The following DLG2 variants were observed in gnomAD, a reference collection of about 807,000 sequenced individuals.
DLG2 encodes the protein disks large homolog 2.
DLG2 carries 45 observed loss-of-function variants against 132.5 expected under a neutral mutation model. That is an observed-to-expected ratio of 0.34 (90% confidence interval 0.27 to 0.44). The LOEUF (loss-of-function observed/expected upper bound fraction) is 0.44. Ranked by LOEUF, DLG2 falls within the 20% of genes least tolerant of loss-of-function variation. The pLI, the probability that DLG2 is intolerant of heterozygous loss-of-function variation, is 1.00. For missense variants in DLG2, 1,045 were observed against 1,196.9 expected, an observed-to-expected ratio of 0.87 and a Z score of 1.87; for synonymous variants, 424 against 419.6, an observed-to-expected ratio of 1.01 and a Z score of -0.13.
At chr11:85,289,901 C>T (rs2078788049) in intron 3 of DLG2, among the ~76,000 whole-genome samples, 1 of 152,254 alleles carries the variant, frequency 6.6e-6, no homozygotes, top group East Asian at 1.9e-4. Context: ...ATAGTTATTT[C>T]TCTTTCAGCC....
At chr11:84,419,028 T>C (rs765275252) in intron 7 of DLG2, among the ~76,000 whole-genome samples, 1 of 152,212 alleles carries the variant, frequency 6.6e-6, no homozygotes, top group Non-Finnish European at 1.5e-5. Flanking sequence ...AGGGCAAATG[T>C]TCTCTCTTAT....
intron 7 of DLG2, among the ~76,000 whole-genome samples, chr11:84,511,728 G>C (rs1237975602): frequency 6.6e-6 from 1 of 152,090 alleles, no homozygotes; most frequent in Non-Finnish European, 1.5e-5. Context: ...TAACTGGCTG[G>C]TTCTTTATAT....
intron 8 of DLG2, among the ~76,000 whole-genome samples, chr11:84,170,076 C>G (rs772575845): frequency 6.6e-6 from 1 of 151,824 alleles, no homozygotes; most frequent in Non-Finnish European, 1.5e-5. Context: ...TTTTTTTACC[C>G]TTGTACCTTC....
At chr11:84,500,193 G>C (rs1432127323) in intron 7 of DLG2, among the ~76,000 whole-genome samples, 2 of 152,018 alleles carry the variant, frequency 1.3e-5, no homozygotes, top group African/African-American at 2.4e-5. Flanking sequence ...AGACAGGGTG[G>C]TTATAAAAAA....
At chr11:84,150,647 C>G (rs187703133) in intron 9 of DLG2, among the ~76,000 whole-genome samples, 1 of 152,158 alleles carries the variant, frequency 6.6e-6, no homozygotes, top group African/African-American at 2.4e-5. Flanking sequence ...CTTCAAGTAC[C>G]ATGTTGTAAG....
chr11:84,613,488 C>T (rs1276130853), intron 6 of DLG2, among the ~76,000 whole-genome samples: 1 of 152,050 alleles, frequency 6.6e-6, no homozygotes, highest in African/African-American at 2.4e-5. Flanking sequence ...GTTTCTTCAA[C>T]TGTAAGGTGA....
At chr11:84,843,973 TAATA>T (rs1029906849) in intron 6 of DLG2, among the ~76,000 whole-genome samples, 1 of 150,392 alleles carries the variant, frequency 6.6e-6, no homozygotes, top group Non-Finnish European at 1.5e-5. Context: ...CCATTATATG[TAATA>T]GATACATATA....
At position 83,774,505 on chromosome 11, in the gene DLG2, AG is replaced by A. The variant is rs373158670; in HGVS notation, c.1825+12184del. Among the ~76,000 whole-genome samples, 15 of 152,250 alleles carry A rather than the reference AG, an allele frequency of 9.9e-5. No homozygotes were observed. In the East Asian group the frequency reaches 2.7e-3, roughly 27 times the overall value. ...GTGAAGTAATTTTCCAAGGCTACAG[AG>A]CTGTTAATGGTGGAGCTGGAATTTG... On this transcript the variant is annotated intron_variant, in intron 18 of 27. Coordinates refer to ENST00000376104, the MANE Select transcript of DLG2 (RefSeq NM_001142699.3).
intron 3 of DLG2, among the ~76,000 whole-genome samples, chr11:85,432,315 G>A (rs1400104803): frequency 3.3e-5 from 5 of 152,086 alleles, no homozygotes; most frequent in South Asian, 2.1e-4. Flanking sequence ...AGAACTGGAC[G>A]AAGGATGAGA....
chr11:84,306,730 C>T (rs994662269), intron 7 of DLG2, among the ~76,000 whole-genome samples: 2 of 152,206 alleles, frequency 1.3e-5, no homozygotes, highest in Non-Finnish European at 2.9e-5. Flanking sequence ...CCCTGACCCT[C>T]TTCCCCTAAA....
At chr11:84,208,458 C>T (rs564356258) in intron 8 of DLG2, among the ~76,000 whole-genome samples, 2 of 151,900 alleles carry the variant, frequency 1.3e-5, no homozygotes, top group South Asian at 2.1e-4. Context: ...ATTCTCCTGC[C>T]TCAGCCTCCT....
chr11:84,911,524 C>T (rs912460963), intron 6 of DLG2, among the ~76,000 whole-genome samples: 4 of 151,840 alleles, frequency 2.6e-5, no homozygotes, highest in African/African-American at 9.7e-5. Flanking sequence ...AAAGTGTGAA[C>T]ATTTTAAGCT....
intron 4 of DLG2, among the ~76,000 whole-genome samples, chr11:85,174,737 A>G (rs888271619): frequency 4.6e-5 from 7 of 152,178 alleles, no homozygotes; most frequent in African/African-American, 1.7e-4. Flanking sequence ...TAAAGAAGAT[A>G]AGAGAGGGCA....
chr11:84,546,751 T>C, intron 6 of DLG2: 1 of 389,886 alleles, frequency 2.6e-6, no homozygotes, highest in South Asian at 2.4e-5. Flanking sequence ...TCACAATGGC[T>C]CTTCAGACTC....
intron 6 of DLG2, among the ~76,000 whole-genome samples, chr11:85,057,402 G>A (rs1040573342): frequency 6.6e-6 from 1 of 151,510 alleles, no homozygotes; most frequent in African/African-American, 2.4e-5. Flanking sequence ...ACAACTTTAT[G>A]CCAATTAAAG....
chr11:85,255,952 C>T (rs2076644542), intron 4 of DLG2, among the ~76,000 whole-genome samples: 1 of 152,100 alleles, frequency 6.6e-6, no homozygotes, highest in African/African-American at 2.4e-5. Context: ...GGGCAAGAAA[C>T]TTCAGGAAAA....
chr11:84,029,995 T>C (rs2095648481), intron 11 of DLG2, among the ~76,000 whole-genome samples: 1 of 152,168 alleles, frequency 6.6e-6, no homozygotes, highest in African/African-American at 2.4e-5. Flanking sequence ...TATATACACA[T>C]ACATACACAT....
chr11:83,533,802 G>GT (rs1356744391), intron 20 of DLG2, among the ~76,000 whole-genome samples: 2 of 152,248 alleles, frequency 1.3e-5, no homozygotes, highest in East Asian at 1.9e-4. Context: ...AAGGACTTGA[G>GT]TTTTTTTCCT....
chr11:83,754,188 C>T (rs1308799753), intron 18 of DLG2, among the ~76,000 whole-genome samples: 2 of 150,180 alleles, frequency 1.3e-5, no homozygotes, highest in South Asian at 4.2e-4. Context: ...AATACTTGAC[C>T]CCCGCAAAAA....
Sources: allele counts gnomAD v4.1 joint callset (sites outside exome capture counted in the v4.1 genomes callset), GRCh38; gene constraint gnomAD v4.1.1; transcripts MANE v1.5; gene names NCBI Gene and HGNC (gene_info 2026-07-23, HGNC 2026-07-21).